The following WASHC2A variants were observed in gnomAD, a reference collection of about 807,000 sequenced individuals.
The protein encoded by WASHC2A is WASH complex subunit FAM21A.
Under a neutral mutation model 140.3 loss-of-function variants are expected in WASHC2A, and 82 were observed. The ratio of observed to expected loss-of-function variants is 0.58; its 90% confidence interval spans 0.49 to 0.70. The LOEUF (loss-of-function observed/expected upper bound fraction) is 0.70. WASHC2A is among the 30% of genes least tolerant of loss of function. The probability of loss-of-function intolerance (pLI) is 0.00; values close to 1 mark genes in which losing one functional copy is unlikely to be tolerated. For synonymous variants in WASHC2A, 340 were observed against 560.8 expected (o/e 0.61, Z 5.56); for missense variants, 985 against 1,521.8 (o/e 0.65, Z 5.87).
chr10:50,131,637 G>A (rs1843979685), intron 30 of WASHC2A, among the ~76,000 whole-genome samples: 1 of 152,158 alleles, frequency 6.6e-6, no homozygotes, highest in Non-Finnish European at 1.5e-5. Flanking sequence ...GCAAATGCCC[G>A]AGAACCCTAA....
chr10:50,080,347 C>T (rs1302945564), intron 4 of WASHC2A, among the ~76,000 whole-genome samples: 41 of 150,970 alleles, frequency 2.7e-4, no homozygotes, highest in African/African-American at 9.8e-4. Flanking sequence ...CCTCTGTGAC[C>T]TTCCTTCTAA....
At chr10:50,121,167 A>G (rs1842986725) in intron 23 of WASHC2A, among the ~76,000 whole-genome samples, 1 of 150,292 alleles carries the variant, frequency 6.7e-6, no homozygotes, top group Admixed American at 6.6e-5. Context: ...AAAATGAAAT[A>G]AAAGGCATTC....
At chr10:50,084,895 C>T (rs1839257434) in intron 6 of WASHC2A, among the ~76,000 whole-genome samples, 1 of 142,918 alleles carries the variant, frequency 7.0e-6, no homozygotes, top group African/African-American at 2.7e-5. Flanking sequence ...ACCACCACAC[C>T]TGGCTAATTT....
At chr10:50,077,763 C>T (rs1838505075) in intron 3 of WASHC2A, among the ~76,000 whole-genome samples, 1 of 151,372 alleles carries the variant, frequency 6.6e-6, no homozygotes, top group South Asian at 2.1e-4. Flanking sequence ...GCCTTTACCT[C>T]CCAAGCTCAA....
intron 25 of WASHC2A, 150 bp from the exon 26 acceptor site, chr10:50,125,907 A>T: frequency 1.1e-6 from 1 of 878,832 alleles, no homozygotes; most frequent in South Asian, 1.8e-5. Context: ...TCAGAATGCT[A>T]TTTCTGAAAT....
At chr10:50,129,185 A>G (rs1843709525) in intron 28 of WASHC2A, among the ~76,000 whole-genome samples, 1 of 152,218 alleles carries the variant, frequency 6.6e-6, no homozygotes, top group African/African-American at 2.4e-5. Flanking sequence ...TGAGAAGATT[A>G]AAAAATGGAG....
intron 3 of WASHC2A, among the ~76,000 whole-genome samples, chr10:50,077,053 C>A (rs1393133445): frequency 6.7e-6 from 1 of 149,786 alleles, no homozygotes; most frequent in Non-Finnish European, 1.5e-5. Flanking sequence ...GGAGGCAGAG[C>A]TTGCAGTGAG....
At chr10:50,132,637 G>A (rs1365142547) in intron 30 of WASHC2A, among the ~76,000 whole-genome samples, 169 bp from the exon 31 acceptor site, 3 of 152,174 alleles carry the variant, frequency 2.0e-5, no homozygotes, top group Non-Finnish European at 4.4e-5. Flanking sequence ...AAAATTTAAT[G>A]AGTAACAAAC....
chr10:50,110,874 C>T (rs1177116058), intron 20 of WASHC2A, among the ~76,000 whole-genome samples: 64 of 119,436 alleles, frequency 5.4e-4, no homozygotes, highest in African/African-American at 1.9e-3. Context: ...GCCTGGGCAA[C>T]GGAGCAAGAC....
intron 3 of WASHC2A, among the ~76,000 whole-genome samples, chr10:50,075,062 G>A (rs1254934851): frequency 6.6e-6 from 1 of 152,202 alleles, no homozygotes; most frequent in African/African-American, 2.4e-5. Context: ...GTATGTGTGT[G>A]TGTGTGTGTA....
intron 25 of WASHC2A, among the ~76,000 whole-genome samples, chr10:50,125,789 C>G (rs1843374122): frequency 6.6e-6 from 1 of 152,140 alleles, no homozygotes; most frequent in South Asian, 2.1e-4. Context: ...AGTTTTGAGT[C>G]TGAGTTTTAG....
At chr10:50,099,269 CT>C (rs1295300009) in intron 16 of WASHC2A, among the ~76,000 whole-genome samples, 35,136 of 134,566 alleles carry the variant, frequency 0.26, 4,453 homozygotes, top group Middle Eastern at 0.35. Context: ...CATTCTTCTT[CT>C]TTTTTTTTTT....
In WASHC2A at chr10:50,084,656, C is replaced by G. The variant is rs1191115314; in HGVS notation, c.622+491C>G. Among the ~76,000 whole-genome samples, 7 of 151,016 alleles carry G rather than the reference C, an allele frequency of 4.6e-5. No homozygotes were observed. The South Asian group carries it at 1.3e-3, about 27-fold the overall frequency. On this transcript the variant is annotated intron_variant, in intron 6 of 30. Coordinates refer to ENST00000282633, the MANE Select transcript of WASHC2A (RefSeq NM_001005751.3). Reference sequence around the variant, plus strand: ...ATATTGTCCAGGCTGGTCTCGAATTCCTGACCTCATGATCTGCCCGCCTCG... The same window carrying G: ...ATATTGTCCAGGCTGGTCTCGAATTGCTGACCTCATGATCTGCCCGCCTCG...
Position 50,113,980 on chromosome 10 carries a change from G to A in WASHC2A, c.2125G>A (p.Val709Ile), listed in dbSNP as rs1842496300. 2.6e-6 allele frequency: 1 copy of A among 387,268 alleles called. No individual in the cohort carries two copies. The highest frequency in any genetic ancestry group is 3.5e-5 in the South Asian group (1 of 28,924). 24.0% of individuals were successfully genotyped at this position (387,268 alleles called of 1,614,324 possible). The change falls in exon 21 of 31, where the codon GTT becomes ATT. Residue 709 changes from valine to isoleucine, a missense_variant. Val to Ile is a conservative substitution (Grantham distance 29). Coordinates refer to ENST00000282633, the MANE Select transcript of WASHC2A (RefSeq NM_001005751.3). Reference protein sequence around the residue: ...GSLFGSPPTSVPPATKKKETV... With the variant: ...GSLFGSPPTSIPPATKKKETV... ...TCTGTTTGGCTCTCCTCCCACATCT[G>A]TTCCTCCTGCAACAAAGGTATTCTT... is the stretch of plus-strand genomic sequence containing the variant.
In WASHC2A at chr10:50,068,191, G is replaced by T. The variant is rs782575850; in HGVS notation, c.90G>T (p.Arg30Ser). 1.9e-6 allele frequency: 3 copies of T among 1,595,112 alleles called. No homozygotes were observed. Among genetic ancestry groups the T allele is most frequent in the Admixed American group, 3.4e-5 (2 of 58,266 alleles). The change falls in exon 2 of 31, where the codon AGG (arginine) becomes AGT (serine). Residue 30 changes from arginine to serine, a missense_variant. Physicochemically the swap from Arg to Ser is moderately radical, Grantham distance 110 (BLOSUM62 -1). Coordinates refer to ENST00000282633, the MANE Select transcript of WASHC2A (RefSeq NM_001005751.3). ...ERPWSVEEIR[R>S]SSQSWSLAAD... ...CGTGGTCGGTGGAGGAGATCCGCAG[G>T]AGCAGCCAGAGCTGGTCGCTGGCGG...
intron 8 of WASHC2A, among the ~76,000 whole-genome samples, chr10:50,088,610 A>G (rs1363349147): frequency 2.9e-5 from 4 of 138,626 alleles, no homozygotes; most frequent in Non-Finnish European, 6.2e-5. Flanking sequence ...TTTCTTCAGA[A>G]TGAGGTGGTA....
chr10:50,130,190 T>TC (rs1290278158), intron 29 of WASHC2A, 151 bp downstream of exon 29: 1 of 1,183,072 alleles, frequency 8.5e-7, no homozygotes, highest in Non-Finnish European at 1.2e-6. Flanking sequence ...TATTAATAAG[T>TC]TTAACATTGA....
At chr10:50,090,473 A>C (rs1409878519) in intron 8 of WASHC2A, among the ~76,000 whole-genome samples, 2 of 143,892 alleles carry the variant, frequency 1.4e-5, no homozygotes, top group East Asian at 4.0e-4. Flanking sequence ...GATGCACTCC[A>C]GCCTGGGCCA....
At chr10:50,087,188 G>A (rs1328488981) in intron 7 of WASHC2A, 87 bp from the exon 8 acceptor site, 81 of 1,571,968 alleles carry the variant, frequency 5.2e-5, no homozygotes, top group Non-Finnish European at 6.7e-5. Context: ...CATAGAATCA[G>A]CCTGCCCCAG....
Sources: gnomAD v4.1 joint callset for allele counts (sites outside exome capture counted in the v4.1 genomes callset) on GRCh38, gnomAD v4.1.1 for gene constraint, MANE v1.5 for transcripts, NCBI Gene and HGNC (gene_info 2026-07-23, HGNC 2026-07-21) for gene names.